The following EVC variants were observed in gnomAD, a reference collection of about 807,000 sequenced individuals.
EVC encodes evC complex member EVC.
In EVC, 116 loss-of-function variants were observed where a neutral mutation model predicts 118.9. The observed-to-expected ratio is 0.98, with a 90% CI of 0.84 to 1.14. The LOEUF is 1.14. EVC is among the 50% of genes most tolerant of loss of function. The probability of loss-of-function intolerance (pLI) is 0.00; values close to 1 mark genes in which losing one functional copy is unlikely to be tolerated. For missense variants in EVC, 1,401 were observed against 1,246.4 expected, an observed-to-expected ratio of 1.12 and a Z score of -1.87; for synonymous variants, 619 against 534.7, an observed-to-expected ratio of 1.16 and a Z score of -2.18.
chr4:5,808,376 G>A, intron 18 of EVC, 49 bp downstream of exon 18: 1 of 1,613,446 alleles, frequency 6.2e-7, no homozygotes, highest in Non-Finnish European at 8.5e-7. Context: ...TTAAAGAGGA[G>A]CAGAAATAGC....
intron 12 of EVC, among the ~76,000 whole-genome samples, chr4:5,787,575 T>G (rs1311654605): frequency 6.6e-6 from 1 of 151,634 alleles, no homozygotes; most frequent in South Asian, 2.1e-4. Flanking sequence ...CGGGGAGGAG[T>G]GCAGACCTGC....
chr4:5,771,684 C>G (rs971978047), intron 11 of EVC, among the ~76,000 whole-genome samples: 10 of 152,164 alleles, frequency 6.6e-5, no homozygotes, highest in Non-Finnish European at 5.9e-5. Context: ...GAGAAAATGA[C>G]AGAAGCCTGG....
chr4:5,780,447 C>T (rs1018726875), intron 11 of EVC, among the ~76,000 whole-genome samples: 3 of 152,220 alleles, frequency 2.0e-5, no homozygotes, highest in African/African-American at 7.2e-5. Flanking sequence ...CTCTGTGCCT[C>T]AGTTTCCTCA....
intron 11 of EVC, among the ~76,000 whole-genome samples, chr4:5,773,181 G>A (rs913335454): frequency 6.6e-6 from 1 of 152,162 alleles, no homozygotes; most frequent in African/African-American, 2.4e-5. Flanking sequence ...TTATCCCAGA[G>A]CGTTCACTTT....
chr4:5,757,931 C>G (rs751853114), intron 11 of EVC: 10 of 599,756 alleles, frequency 1.7e-5, no homozygotes, highest in Non-Finnish European at 2.7e-5. Context: ...CAAACAGTGT[C>G]CTTCAAAACG....
intron 4 of EVC, 141 bp from the exon 5 acceptor site, chr4:5,733,210 C>T (rs1727123428): frequency 2.7e-6 from 2 of 748,714 alleles, no homozygotes; most frequent in South Asian, 2.7e-5. Flanking sequence ...CTGGAGTGAG[C>T]GTAAGGACCT....
the EVC span, chr4:5,821,853 T>TGAAA: frequency 3.2e-6 from 5 of 1,572,142 alleles, no homozygotes; most frequent in East Asian, 4.5e-5. This position sits in a 1 kb window ranked among gnomAD's most constrained non-coding sequence, Gnocchi z 4.4. Flanking sequence ...TCTGGGCACC[T>TGAAA]GAAAGAGAGC....
chr4:5,741,181 A>G (rs2151995894), intron 5 of EVC, among the ~76,000 whole-genome samples: 1 of 152,348 alleles, frequency 6.6e-6, no homozygotes, highest in Non-Finnish European at 1.5e-5. Context: ...AATAATCCAG[A>G]TGTCTTACAG....
chr4:5,717,203 C>T (rs1724106478), intron 1 of EVC, among the ~76,000 whole-genome samples: 1 of 152,064 alleles, frequency 6.6e-6, no homozygotes, highest in Non-Finnish European at 1.5e-5. Flanking sequence ...CAACTTTATA[C>T]TTGTATTGAG....
chr4:5,732,833 G>T (rs1727037743), intron 4 of EVC, among the ~76,000 whole-genome samples: 1 of 152,090 alleles, frequency 6.6e-6, no homozygotes. Context: ...AACATAGTGA[G>T]ACCCCATCTC....
intron 12 of EVC, among the ~76,000 whole-genome samples, chr4:5,784,706 C>G (rs943403424): frequency 1.4e-5 from 2 of 144,954 alleles, no homozygotes; most frequent in African/African-American, 2.6e-5. Context: ...CTCCCAGGTT[C>G]AAGCGATTCT....
At chr4:5,753,207 T>C (rs1237223206) in intron 9 of EVC, among the ~76,000 whole-genome samples, 155 bp downstream of exon 9, 9 of 152,160 alleles carry the variant, frequency 5.9e-5, no homozygotes, top group Admixed American at 5.9e-4. Context: ...GTCACTGGGC[T>C]GCTCTCTGGG....
chr4:5,727,417 T>C (rs1161580963), intron 2 of EVC, among the ~76,000 whole-genome samples: 1 of 151,974 alleles, frequency 6.6e-6, no homozygotes, highest in African/African-American at 2.4e-5. Flanking sequence ...TTTGATGGGG[T>C]TGTTTGTTTT....
chr4:5,828,571 T>C, the EVC span: 3 of 1,614,180 alleles, frequency 1.9e-6, no homozygotes, highest in Non-Finnish European at 2.5e-6. Flanking sequence ...CTTGTTGACG[T>C]TGATGTTTCC....
intron 7 of EVC, 116 bp from the exon 8 acceptor site, chr4:5,748,032 T>C (rs1729631390): frequency 2.6e-6 from 3 of 1,149,978 alleles, no homozygotes; most frequent in Admixed American, 1.8e-5. Context: ...AACTGTAGAA[T>C]TGTTTAGAAT....
intron 11 of EVC, among the ~76,000 whole-genome samples, chr4:5,758,960 G>C (rs1000026468): frequency 6.6e-6 from 1 of 152,172 alleles, no homozygotes; most frequent in Admixed American, 6.5e-5. Flanking sequence ...AGATGATTCA[G>C]AGCAGATGAG....
chr4:5,721,587 G>T (rs575965732), intron 2 of EVC, among the ~76,000 whole-genome samples: 1 of 152,174 alleles, frequency 6.6e-6, no homozygotes, highest in Non-Finnish European at 1.5e-5. Flanking sequence ...TTGACGATAG[G>T]CTGGGCATGG....
At position 5,755,319 on chromosome 4, in the gene EVC, C is replaced by T. The variant is rs3774873; in HGVS notation, c.1465-945C>T. ...CAGGGCCTCGGTACAGTCCTCGGAA[C>T]GCCTCAGCGCTGGCGTTCAGGACAC... On this transcript the variant is annotated intron_variant, in intron 10 of 20. Transcript: ENST00000264956. This position sits in a 1 kb window ranked among gnomAD's most constrained non-coding sequence, Gnocchi z 4.1. 0.11 allele frequency among the ~76,000 whole-genome samples: 17,181 copies of T among 152,158 alleles called. 1,312 individuals carry two copies. Among genetic ancestry groups the T allele is most frequent in the South Asian group, 0.21 (1,004 of 4,818 alleles).
chr4:5,720,668 G>A (rs1251400039), intron 2 of EVC, among the ~76,000 whole-genome samples: 1 of 152,224 alleles, frequency 6.6e-6, no homozygotes, highest in African/African-American at 2.4e-5. Context: ...TGGGATCCCT[G>A]TAGAGGGGGG....
Sources: allele counts gnomAD v4.1 joint callset (sites outside exome capture counted in the v4.1 genomes callset), GRCh38; gene constraint gnomAD v4.1.1; non-coding constraint Gnocchi (gnomAD v3.1); transcripts MANE v1.5; gene names NCBI Gene and HGNC (gene_info 2026-07-23, HGNC 2026-07-21).